The following BBS9 variants were observed in gnomAD, a reference collection of about 807,000 sequenced individuals.
The protein encoded by BBS9 is protein PTHB1.
In BBS9, 89 loss-of-function variants were observed where a neutral mutation model predicts 117.7. The ratio of observed to expected loss-of-function variants is 0.76; its 90% CI spans 0.64 to 0.90. The LOEUF is 0.90. Ranked by LOEUF, BBS9 falls within the 40% of genes least tolerant of loss-of-function variation. The pLI, the probability that BBS9 is intolerant of heterozygous loss-of-function variation, is 0.00. For synonymous variants in BBS9, 379 were observed against 370.9 expected, an observed-to-expected ratio of 1.02 and a Z score of -0.25; for missense variants, 982 against 1,042.2, an observed-to-expected ratio of 0.94 and a Z score of 0.80.
At chr7:33,385,859 ATTAC>A (rs1166464476) in intron 18 of BBS9, among the ~76,000 whole-genome samples, 11 of 152,130 alleles carry the variant, frequency 7.2e-5, no homozygotes, top group Non-Finnish European at 1.6e-4. Flanking sequence ...AAATATTTTT[ATTAC>A]TTAATTTTTG....
chr7:33,623,489 G>A (rs1485802604), intron 21 of BBS9, among the ~76,000 whole-genome samples: 1 of 152,092 alleles, frequency 6.6e-6, no homozygotes, highest in South Asian at 2.1e-4. Context: ...AAAGTTGCAC[G>A]TGCACATAAC....
intron 21 of BBS9, among the ~76,000 whole-genome samples, chr7:33,582,063 A>G (rs1308861527): frequency 6.6e-6 from 1 of 151,972 alleles, no homozygotes; most frequent in East Asian, 1.9e-4. Flanking sequence ...GACTTGATGT[A>G]AAATCATGAC....
intron 5 of BBS9, among the ~76,000 whole-genome samples, chr7:33,232,878 A>G (rs1055182217): frequency 2.6e-5 from 4 of 152,164 alleles, no homozygotes; most frequent in African/African-American, 9.7e-5. Flanking sequence ...TATAATTGAA[A>G]CAACATGTGT....
chr7:33,456,425 C>G (rs575385259), intron 19 of BBS9, among the ~76,000 whole-genome samples: 1 of 152,206 alleles, frequency 6.6e-6, no homozygotes, highest in African/African-American at 2.4e-5. Flanking sequence ...AAATAAGATG[C>G]TGTCTTCACT....
chr7:33,438,663 A>G (rs1367025228), intron 19 of BBS9, among the ~76,000 whole-genome samples: 1 of 152,238 alleles, frequency 6.6e-6, no homozygotes. Flanking sequence ...GTTGGCAAAT[A>G]CATGGAGCAA....
At chr7:33,407,281 C>T (rs1563132729) in intron 19 of BBS9, among the ~76,000 whole-genome samples, 1 of 152,228 alleles carries the variant, frequency 6.6e-6, no homozygotes, top group Non-Finnish European at 1.5e-5. Flanking sequence ...GCTTTCAGCT[C>T]CATCAGCTCC....
chr7:33,563,830 A>G (rs1192698929), intron 21 of BBS9, among the ~76,000 whole-genome samples: 1 of 152,200 alleles, frequency 6.6e-6, no homozygotes, highest in Non-Finnish European at 1.5e-5. Flanking sequence ...GCGCTAAAAC[A>G]AAGTCATGAG....
intron 5 of BBS9, among the ~76,000 whole-genome samples, chr7:33,187,944 A>AT (rs879928829): frequency 2.6e-5 from 4 of 152,024 alleles, no homozygotes; most frequent in Non-Finnish European, 4.4e-5. Flanking sequence ...AAGACAGTTT[A>AT]TGTTCTCAAG....
intron 17 of BBS9, among the ~76,000 whole-genome samples, chr7:33,374,065 G>A (rs1289079679): frequency 6.6e-6 from 1 of 152,100 alleles, no homozygotes; most frequent in Non-Finnish European, 1.5e-5. Context: ...TACACTAATG[G>A]GAGAGACAAA....
chr7:33,436,683 T>A (rs1835348839), intron 19 of BBS9, among the ~76,000 whole-genome samples: 1 of 152,236 alleles, frequency 6.6e-6, no homozygotes, highest in East Asian at 1.9e-4. Flanking sequence ...TAGATCCACC[T>A]TGACCATGGC....
At chr7:33,550,993 C>T (rs751577339) in intron 21 of BBS9, among the ~76,000 whole-genome samples, 4 of 152,000 alleles carry the variant, frequency 2.6e-5, no homozygotes, top group African/African-American at 4.8e-5. Flanking sequence ...GAGCCATACT[C>T]CAGTGTCATG....
chr7:33,271,604 G>C (rs1021172127), intron 7 of BBS9, among the ~76,000 whole-genome samples: 1 of 152,144 alleles, frequency 6.6e-6, no homozygotes, highest in Non-Finnish European at 1.5e-5. Context: ...GACTAAAAAA[G>C]ACAAATAAGG....
chr7:33,621,527 G>T (rs1585493039), intron 21 of BBS9, among the ~76,000 whole-genome samples: 2 of 152,064 alleles, frequency 1.3e-5, no homozygotes, highest in East Asian at 3.8e-4. Context: ...TGATCAAAAA[G>T]ACAAAAGTGC....
intron 21 of BBS9, among the ~76,000 whole-genome samples, chr7:33,558,947 A>G (rs533513017): frequency 6.6e-6 from 1 of 152,350 alleles, no homozygotes; most frequent in East Asian, 1.9e-4. Context: ...AGCAAAATAT[A>G]GTTGGCTGTC....
Position 33,359,627 on chromosome 7 carries a change from G to A in BBS9, c.1693+1632G>A, listed in dbSNP as rs147517408. Among the ~76,000 whole-genome samples, 1,383 of 152,120 alleles carry A rather than the reference G, an allele frequency of 9.1e-3. 22 individuals carry two copies. Among genetic ancestry groups the A allele is most frequent in the African/African-American group, 0.032 (1,322 of 41,540 alleles). ...TTAAACATGCTGGATGGAATCATGT[G>A]CTTGTTTAAAATAAGTATCACTTCA... On this transcript the variant is annotated intron_variant, in intron 16 of 22. Coordinates refer to ENST00000242067, the MANE Select transcript of BBS9 (RefSeq NM_198428.3).
At chr7:33,451,835 C>T (rs1477952375) in intron 19 of BBS9, among the ~76,000 whole-genome samples, 1 of 151,834 alleles carries the variant, frequency 6.6e-6, no homozygotes, top group African/African-American at 2.4e-5. Context: ...CCATTGGGAA[C>T]ATTTTTTTTT....
chr7:33,421,600 A>G (rs532267654), intron 19 of BBS9, among the ~76,000 whole-genome samples: 14 of 152,320 alleles, frequency 9.2e-5, no homozygotes, highest in Non-Finnish European at 1.6e-4. Context: ...AGCAAAAGCT[A>G]GTTATTGCAA....
intron 1 of BBS9, among the ~76,000 whole-genome samples, chr7:33,145,199 G>A (rs373683483): frequency 3.9e-5 from 6 of 152,302 alleles, no homozygotes; most frequent in African/African-American, 4.8e-5. Flanking sequence ...TAACTTTCGT[G>A]AATAAGGAGA....
chr7:33,545,049 T>TG (rs1201737443), intron 21 of BBS9, among the ~76,000 whole-genome samples: 2 of 152,102 alleles, frequency 1.3e-5, no homozygotes, highest in Non-Finnish European at 2.9e-5. Context: ...ACCATGCCCC[T>TG]GCCAACAGCC....
Sources: allele counts gnomAD v4.1 joint callset (sites outside exome capture counted in the v4.1 genomes callset), GRCh38; gene constraint gnomAD v4.1.1; transcripts MANE v1.5; gene names NCBI Gene and HGNC (gene_info 2026-07-23, HGNC 2026-07-21).